USP44: variants seen among roughly 807,000 people sequenced by gnomAD.
USP44 encodes ubiquitin carboxyl-terminal hydrolase 44.
Under a neutral mutation model 69.0 loss-of-function variants are expected in USP44, and 61 were observed. The ratio of observed to expected loss-of-function variants is 0.88; its 90% CI spans 0.72 to 1.09. The LOEUF (loss-of-function observed/expected upper bound fraction) is 1.09, where lower values mean the gene tolerates loss of function less well. Among genes scored for constraint, USP44 ranks in the 50% least tolerant of loss-of-function variants. The pLI is 0.00. For missense variants in USP44, 753 were observed against 849.9 expected, an observed-to-expected ratio of 0.89 and a Z score of 1.42; for synonymous variants, 297 against 295.4, an observed-to-expected ratio of 1.01 and a Z score of -0.06.
rs1489662538 is a variant in USP44, at chr12:95,517,960, T to C, written c.*194A>G. ...GAGGTAAACACCAAAAGTTTAAAAC[T>C]CCAAATATGAAAAAAGTAGTTACCT... On this transcript the variant is annotated 3_prime_UTR_variant, in exon 6 of 6. Coordinates refer to ENST00000258499, the MANE Select transcript of USP44 (RefSeq NM_032147.5). 3 of 510,112 alleles carry C rather than the reference T, an allele frequency of 5.9e-6. No individual in the cohort carries two copies. The Admixed American group carries it at 1.1e-4, about 18-fold the overall frequency. The allele number at this position is 510,112 out of a possible 1,614,324, so 31.6% of individuals were successfully genotyped here.
In USP44 at chr12:95,548,785, G is replaced by T. The variant is rs992139088; in HGVS notation, c.-71+2487C>A. Reference sequence around the variant, plus strand: ...CGCACACTCACCAGCCCGAGCCGGGGCGGCCATCTTAGCGCTCACCCCGGC... The same window carrying T: ...CGCACACTCACCAGCCCGAGCCGGGTCGGCCATCTTAGCGCTCACCCCGGC... On this transcript the variant is annotated intron_variant, in intron 1 of 5. Coordinates refer to ENST00000258499, the MANE Select transcript of USP44 (RefSeq NM_032147.5). This position sits in a 1 kb window ranked among gnomAD's most constrained non-coding sequence, Gnocchi z 4.1. 16 of 151,984 alleles carry T rather than the reference G, an allele frequency of 1.1e-4. No individual in the cohort carries two copies. Among genetic ancestry groups the T allele is most frequent in the Admixed American group, 6.6e-4 (10 of 15,256 alleles). 9.4% of individuals were successfully genotyped at this position (151,984 alleles called of 1,614,324 possible). A position where few individuals can be genotyped will look rare whatever the true frequency, so the allele number is the denominator to read the frequency against.
chr12:95,523,502 CA>C (rs1424681489), intron 4 of USP44, among the ~76,000 whole-genome samples: 1 of 152,096 alleles, frequency 6.6e-6, no homozygotes, highest in Admixed American at 6.5e-5. Flanking sequence ...AAGCAGAGGT[CA>C]CATTCGTATT....
chr12:95,518,063 T>C lies in USP44; in HGVS notation c.*91A>G. 7.1e-7 allele frequency: 1 copy of C among 1,415,032 alleles called. No homozygotes were observed. The highest frequency in any genetic ancestry group is 9.7e-7 in the Non-Finnish European group (1 of 1,030,804). 87.7% of individuals were successfully genotyped at this position (1,415,032 alleles called of 1,614,324 possible). A position where few individuals can be genotyped will look rare whatever the true frequency, so the allele number is the denominator to read the frequency against. ...AATGTATAAATGTAGTATACACTGATTCACAAGAAAAAATGAAGTTTAAAA... is the reference window on the plus strand; with the variant it reads ...AATGTATAAATGTAGTATACACTGACTCACAAGAAAAAATGAAGTTTAAAA... On this transcript the variant is annotated 3_prime_UTR_variant, in exon 6 of 6. Coordinates refer to ENST00000258499, the MANE Select transcript of USP44 (RefSeq NM_032147.5).
Position 95,524,687 on chromosome 12 carries a change from G to T in USP44, c.1726C>A (p.Arg576=). ...LPQVLRLHLK[R]FRWSGRNNRE... ...ACTGGTCCTACTACAGACCTGAATC[G>T]TTTGAGGTGCAGTCTGAGAACCTGA... The change falls in exon 4 of 6, where the codon CGA becomes AGA. Residue 576 remains arginine (R), a synonymous_variant. Coordinates refer to ENST00000258499, the MANE Select transcript of USP44 (RefSeq NM_032147.5). 1 of 1,609,014 alleles carries T rather than the reference G, an allele frequency of 6.2e-7. No homozygotes were observed. Among genetic ancestry groups the T allele is most frequent in the Non-Finnish European group, 8.5e-7 (1 of 1,178,152 alleles).
At chr12:95,536,910 GTAC>G (rs2077224054) in intron 1 of USP44, among the ~76,000 whole-genome samples, 1 of 152,168 alleles carries the variant, frequency 6.6e-6, no homozygotes, top group Non-Finnish European at 1.5e-5. Flanking sequence ...CCACTCGCTG[GTAC>G]CTGGGACTCA....
chr12:95,538,403 C>T (rs923125577), intron 1 of USP44, among the ~76,000 whole-genome samples: 1 of 152,008 alleles, frequency 6.6e-6, no homozygotes, highest in Middle Eastern at 3.4e-3. Context: ...TGCTAGTTTC[C>T]TTCTAGTTGA....
chr12:95,533,271 G>A lies in USP44; in HGVS notation c.986C>T (p.Thr329Ile), dbSNP rs763303710. ...ACATTCATTCATTTGATATACTACT[G>A]TATCTGTGACTGGTGGATGCTTACA... is the stretch of plus-strand genomic sequence containing the variant. ...RSCKHPPVTD[T>I]VVYQMNECQE... is the part of the protein sequence containing the mutation. The change falls in exon 2 of 6, where the codon ACA (threonine) becomes ATA (isoleucine). Residue 329 changes from threonine to isoleucine, a missense_variant. Coordinates refer to ENST00000258499, the MANE Select transcript of USP44 (RefSeq NM_032147.5). The A allele has an allele frequency of 1.9e-5, 31 of 1,613,988 alleles. No individual in the cohort carries two copies. Among genetic ancestry groups the A allele is most frequent in the Admixed American group, 1.2e-4 (7 of 59,990 alleles).
chr12:95,528,842 A>G lies in USP44; in HGVS notation c.1589T>C (p.Leu530Ser). The change falls in exon 3 of 6, where the codon TTA (leucine) becomes TCA (serine). Residue 530 changes from leucine (L) to serine (S), a missense_variant. Physicochemically the swap from Leu to Ser is moderately radical, Grantham distance 145. Transcript: ENST00000258499. ...MLAKFTETEA[L>S]EGKIYVCDQC... The stretch of plus-strand genomic sequence containing the variant: ...GTCACATACGTAGATTTTTCCTTCT[A>G]AAGCTTCAGTTTCTGTAAATTTGGC... 1 of 1,614,044 alleles carries G rather than the reference A, an allele frequency of 6.2e-7. No homozygotes were observed. The highest frequency in any genetic ancestry group is 8.5e-7 in the Non-Finnish European group (1 of 1,179,986).
At chr12:95,544,070 T>C (rs1307507037) in intron 1 of USP44, among the ~76,000 whole-genome samples, 19 of 123,098 alleles carry the variant, frequency 1.5e-4, no homozygotes, top group East Asian at 5.2e-4. Flanking sequence ...TTTTTTTTTT[T>C]CTGAGATGGA....
rs370108014 is a variant in USP44 at position 95,534,068 on chromosome 12, T to C, written c.189A>G (p.Glu63=). The change falls in exon 2 of 6, where the codon GAA becomes GAG. Residue 63 remains glutamate (E), a synonymous_variant. Transcript: ENST00000258499. The part of the protein sequence containing the change: ...IEEHALKHFQ[E]SSHPVALEVN... ...CCTCCAATGCAACAGGATGACTGCT[T>C]TCTTGAAAGTGCTTGAGTGCATGCT... 89 of 1,614,080 alleles carry C rather than the reference T, an allele frequency of 5.5e-5. No individual in the cohort carries two copies. Among genetic ancestry groups the C allele is most frequent in the Non-Finnish European group, 6.9e-5 (81 of 1,180,042 alleles).
intron 5 of USP44, among the ~76,000 whole-genome samples, chr12:95,519,551 T>C (rs2076585439): frequency 6.8e-6 from 1 of 147,608 alleles, no homozygotes; most frequent in Non-Finnish European, 1.5e-5. Flanking sequence ...GCCATTCTCC[T>C]GCCTCAGCCT....
At chr12:95,523,689 CA>C (rs927669685) in intron 4 of USP44, among the ~76,000 whole-genome samples, 2,307 of 89,142 alleles carry the variant, frequency 0.026, 47 homozygotes, top group African/African-American at 0.072. Context: ...CTGTCTCTAC[CA>C]AAAAAAAAAA....
intron 4 of USP44, 50 bp from the exon 5 acceptor site, chr12:95,521,252 C>T (rs113991438): frequency 1.3e-6 from 2 of 1,563,272 alleles, no homozygotes; most frequent in African/African-American, 1.4e-5. Flanking sequence ...GGAAAATAAC[C>T]ACGTACTAGG....
chr12:95,532,082 C>T (rs1046161944), intron 2 of USP44, among the ~76,000 whole-genome samples: 3 of 152,054 alleles, frequency 2.0e-5, no homozygotes, highest in Non-Finnish European at 2.9e-5. Context: ...AGACCATGAC[C>T]CTTTGATTTT....
intron 1 of USP44, among the ~76,000 whole-genome samples, chr12:95,537,746 A>T (rs2077253508): frequency 6.6e-6 from 1 of 152,232 alleles, no homozygotes; most frequent in African/African-American, 2.4e-5. Context: ...AGTAGGAAAA[A>T]GCCTGGTGAG....
At chr12:95,532,206 C>T in intron 2 of USP44, among the ~76,000 whole-genome samples, 1 of 134,752 alleles carries the variant, frequency 7.4e-6, no homozygotes, top group Admixed American at 8.9e-5. Flanking sequence ...CTCGCTCTGT[C>T]ACCCAGGCTG....
At chr12:95,528,675 C>G in intron 3 of USP44, 132 bp downstream of exon 3, 1 of 873,286 alleles carries the variant, frequency 1.1e-6, no homozygotes, top group South Asian at 2.1e-5. Flanking sequence ...AAAGTGAAAA[C>G]GTCTGTTTCT....
At chr12:95,520,069 G>T (rs1291538908) in intron 5 of USP44, among the ~76,000 whole-genome samples, 3 of 130,646 alleles carry the variant, frequency 2.3e-5, no homozygotes, top group African/African-American at 8.6e-5. Flanking sequence ...GGTAGTTTTT[G>T]GTAGCTCAGT....
chr12:95,522,177 G>A, intron 4 of USP44: 4 of 907,086 alleles, frequency 4.4e-6, no homozygotes, highest in Non-Finnish European at 5.3e-6. Flanking sequence ...GTTTGGGGTA[G>A]TATGGTAGAG....
Sources: allele counts gnomAD v4.1 joint callset (sites outside exome capture counted in the v4.1 genomes callset), GRCh38; gene constraint gnomAD v4.1.1; non-coding constraint Gnocchi (gnomAD v3.1); transcripts MANE v1.5; gene names NCBI Gene and HGNC (gene_info 2026-07-23, HGNC 2026-07-21).